Variants in POPDC1 observed in about 807,000 individuals in gnomAD.
POPDC1 encodes the protein popeye domain-containing protein 1.
the POPDC1 span, among the ~76,000 whole-genome samples, chr6:105,129,905 A>G: frequency 6.6e-6 from 1 of 152,182 alleles, no homozygotes; most frequent in Admixed American, 6.5e-5. Context: ...TGACCACAGA[A>G]AGTGAATCCA....
the POPDC1 span, chr6:105,125,369 T>C: frequency 1.1e-5 from 17 of 1,610,980 alleles, no homozygotes; most frequent in Non-Finnish European, 1.2e-5. Flanking sequence ...ACTAGGAATT[T>C]TGATTTCCAC....
the POPDC1 span, chr6:105,124,779 T>C: frequency 4.9e-5 from 34 of 694,524 alleles, no homozygotes; most frequent in Non-Finnish European, 7.3e-5. Context: ...ACAGAGATGA[T>C]GGACATAACT....
chr6:105,098,017 A>C, the POPDC1 span: 1 of 152,216 alleles, frequency 6.6e-6, no homozygotes, highest in African/African-American at 2.4e-5. Flanking sequence ...TACACTCCAG[A>C]TTCATACAAC....
At chr6:105,100,882 A>G in the POPDC1 span, 1 of 412,620 alleles carries the variant, frequency 2.4e-6, no homozygotes, top group Non-Finnish European at 4.2e-6. Context: ...CAGAAGGCTC[A>G]GTAAAACAAT....
the POPDC1 span, among the ~76,000 whole-genome samples, chr6:105,126,679 A>G: frequency 6.6e-6 from 1 of 152,230 alleles, no homozygotes; most frequent in Non-Finnish European, 1.5e-5. Flanking sequence ...CAAGAAAATA[A>G]ACACAAAATA....
chr6:105,116,989 T>A, the POPDC1 span: 1 of 1,010,406 alleles, frequency 9.9e-7, no homozygotes, highest in Non-Finnish European at 1.4e-6. Flanking sequence ...TTTGTCAAAT[T>A]ATAAAAAAAA....
At chr6:105,133,458 T>A in the POPDC1 span, 2 of 1,613,822 alleles carry the variant, frequency 1.2e-6, no homozygotes, top group Non-Finnish European at 1.7e-6. Flanking sequence ...CCAGATGATG[T>A]ATCTCTCTCC....
At chr6:105,109,114 T>C in the POPDC1 span, among the ~76,000 whole-genome samples, 2 of 152,138 alleles carry the variant, frequency 1.3e-5, no homozygotes, top group African/African-American at 4.8e-5. Flanking sequence ...CAGGCCATCA[T>C]GCCCTGCTAT....
the POPDC1 span, chr6:105,136,197 T>C: frequency 6.6e-6 from 1 of 152,244 alleles, no homozygotes; most frequent in African/African-American, 2.4e-5. Flanking sequence ...GCAAATGGCA[T>C]TACATTGCTA....
At chr6:105,120,937 T>C in the POPDC1 span, among the ~76,000 whole-genome samples, 1 of 152,194 alleles carries the variant, frequency 6.6e-6, no homozygotes, top group African/African-American at 2.4e-5. Context: ...AGCACTAAAA[T>C]AACACAGATT....
At chr6:105,097,002 T>C in the POPDC1 span, 2 of 152,672 alleles carry the variant, frequency 1.3e-5, no homozygotes, top group Non-Finnish European at 2.9e-5. Flanking sequence ...AAAATCCTCA[T>C]GTATTTTAAA....
chr6:105,097,842 G>A, the POPDC1 span: 3 of 152,004 alleles, frequency 2.0e-5, no homozygotes, highest in African/African-American at 7.3e-5. Context: ...AGAGTGTCAG[G>A]GATAGTAACT....
the POPDC1 span, chr6:105,101,006 C>G: frequency 6.7e-7 from 1 of 1,497,660 alleles, no homozygotes; most frequent in Non-Finnish European, 9.0e-7. Flanking sequence ...GCAGAATAAC[C>G]TAAAAGCCAT....
chr6:105,116,547 C>T, the POPDC1 span, among the ~76,000 whole-genome samples: 1 of 152,176 alleles, frequency 6.6e-6, no homozygotes, highest in Non-Finnish European at 1.5e-5. Flanking sequence ...CAAATCTAAT[C>T]ATTACAAAAT....
the POPDC1 span, among the ~76,000 whole-genome samples, chr6:105,103,469 T>TA: frequency 1.7e-3 from 259 of 148,150 alleles, no homozygotes; most frequent in South Asian, 5.8e-3. Flanking sequence ...AAATTGTCTT[T>TA]AAAAAAAAAA....
chr6:105,124,385 C>CAAAA, the POPDC1 span, among the ~76,000 whole-genome samples: 174 of 81,610 alleles, frequency 2.1e-3, no homozygotes, highest in African/African-American at 2.9e-3. Context: ...CCGTCTCAAA[C>CAAAA]AAAAAAAAAA....
At chr6:105,126,207 CAA>C in the POPDC1 span, among the ~76,000 whole-genome samples, 2 of 140,830 alleles carry the variant, frequency 1.4e-5, no homozygotes, top group Non-Finnish European at 3.1e-5. Flanking sequence ...GCTTGGGCAA[CAA>C]GAGCGAAACT....
At chr6:105,099,887 C>T in the POPDC1 span, 1 of 152,302 alleles carries the variant, frequency 6.6e-6, no homozygotes, top group African/African-American at 2.4e-5. Flanking sequence ...AGCCATTTAA[C>T]TCCCCTGTCC....
the POPDC1 span, chr6:105,115,630 A>G: frequency 1.9e-6 from 3 of 1,574,298 alleles, no homozygotes; most frequent in Non-Finnish European, 2.6e-6. Flanking sequence ...TCATTTGTCT[A>G]TGTCCAGAGA....
Sources: allele counts gnomAD v4.1 joint callset (sites outside exome capture counted in the v4.1 genomes callset), GRCh38; gene constraint gnomAD v4.1.1; transcripts MANE v1.5; gene names NCBI Gene and HGNC (gene_info 2026-07-23, HGNC 2026-07-21).